The following STK3 variants were observed in gnomAD, a reference collection of about 807,000 sequenced individuals.
The protein encoded by STK3 is serine/threonine-protein kinase 3.
Under a neutral mutation model 58.0 loss-of-function variants are expected in STK3, and 41 were observed. The observed-to-expected ratio is 0.71, with a 90% CI of 0.55 to 0.92. The LOEUF (loss-of-function observed/expected upper bound fraction) is 0.92. Among genes scored for constraint, STK3 ranks in the 40% least tolerant of loss-of-function variants. The pLI is 0.00. For synonymous variants in STK3, 170 were observed against 191.0 expected (o/e 0.89, Z 0.91); for missense variants, 479 against 602.7 (o/e 0.79, Z 2.15).
At chr8:98,605,803 G>T (rs561015319) in intron 6 of STK3, among the ~76,000 whole-genome samples, 13 of 152,084 alleles carry the variant, frequency 8.5e-5, no homozygotes, top group Non-Finnish European at 1.9e-4. Flanking sequence ...CCATGGGGGT[G>T]GAGTTGTCAT....
rs184658384 is a variant in STK3 at position 98,899,113 on chromosome 8, C to T, written c.-78-15279G>A. Among the ~76,000 whole-genome samples, 253 of 152,284 alleles carry T rather than the reference C, an allele frequency of 1.7e-3. 1 individual carries two copies. Among genetic ancestry groups the T allele is most frequent in the Non-Finnish European group, 3.1e-3 (209 of 68,024 alleles). On this transcript the variant is annotated intron_variant, in intron 1 of 1. Transcript: ENST00000519420. ...GAAACAAAATATGGCACTATGTTTTCAACTATCATTTCAAAAGCAGATTTA... is the reference window on the plus strand; with the variant it reads ...GAAACAAAATATGGCACTATGTTTTTAACTATCATTTCAAAAGCAGATTTA...
At chr8:98,475,357 T>C (rs1821228168) in intron 10 of STK3, among the ~76,000 whole-genome samples, 1 of 152,168 alleles carries the variant, frequency 6.6e-6, no homozygotes, top group African/African-American at 2.4e-5. Context: ...GAACATCCAT[T>C]GTTATACAAG....
chr8:98,892,064 C>T (rs551531290), intron 1 of STK3, among the ~76,000 whole-genome samples: 1 of 152,104 alleles, frequency 6.6e-6, no homozygotes, highest in Non-Finnish European at 1.5e-5. Context: ...GTGACAAGCA[C>T]GTACTCCACC....
At chr8:98,495,044 T>C (rs1220435417) in intron 10 of STK3, among the ~76,000 whole-genome samples, 2 of 152,212 alleles carry the variant, frequency 1.3e-5, no homozygotes, top group African/African-American at 4.8e-5. Flanking sequence ...TAAAATACTT[T>C]CCAGGCTTTC....
chr8:98,550,767 A>G (rs932057596), intron 8 of STK3, among the ~76,000 whole-genome samples: 6 of 152,146 alleles, frequency 3.9e-5, no homozygotes, highest in African/African-American at 1.4e-4. Flanking sequence ...CTTATGAGGC[A>G]TAGGATCCTT....
intron 2 of STK3, among the ~76,000 whole-genome samples, chr8:98,768,651 A>G (rs1379339024): frequency 2.0e-5 from 3 of 152,156 alleles, no homozygotes; most frequent in African/African-American, 7.2e-5. Context: ...ATCTACTGTC[A>G]ATTAGGCAAC....
intron 6 of STK3, among the ~76,000 whole-genome samples, chr8:98,634,774 A>G (rs2130547255): frequency 6.6e-6 from 1 of 152,276 alleles, no homozygotes; most frequent in South Asian, 2.1e-4. Flanking sequence ...TGGAGACAGC[A>G]GTGTTCTCTA....
intron 2 of STK3, among the ~76,000 whole-genome samples, chr8:98,434,799 G>A (rs1394618727): frequency 2.6e-5 from 4 of 152,028 alleles, no homozygotes; most frequent in Non-Finnish European, 4.4e-5. Context: ...ACCAGAAATC[G>A]GAGGGAAAGA....
At chr8:98,536,625 T>C (rs1362931028) in intron 9 of STK3, among the ~76,000 whole-genome samples, 1 of 152,208 alleles carries the variant, frequency 6.6e-6, no homozygotes, top group Non-Finnish European at 1.5e-5. Context: ...CCCTAAAAGA[T>C]GGTGTCACAG....
At chr8:98,655,624 C>A (rs984851625) in intron 6 of STK3, among the ~76,000 whole-genome samples, 5 of 151,184 alleles carry the variant, frequency 3.3e-5, no homozygotes, top group Admixed American at 1.3e-4. Flanking sequence ...ATAATGAACT[C>A]AAACAAATTT....
intron 10 of STK3, among the ~76,000 whole-genome samples, chr8:98,459,839 C>T (rs887902983): frequency 6.6e-6 from 1 of 152,224 alleles, no homozygotes; most frequent in Non-Finnish European, 1.5e-5. Context: ...GGAACCTCTA[C>T]CTAGACTTCA....
intron 10 of STK3, among the ~76,000 whole-genome samples, chr8:98,466,710 C>T (rs1040465037): frequency 6.6e-5 from 10 of 152,164 alleles, no homozygotes; most frequent in Non-Finnish European, 1.5e-4. Flanking sequence ...GCACAGAAAG[C>T]GTGTGTATGT....
intron 6 of STK3, among the ~76,000 whole-genome samples, chr8:98,653,308 G>C (rs1272170584): frequency 6.6e-6 from 1 of 152,164 alleles, no homozygotes; most frequent in Non-Finnish European, 1.5e-5. Flanking sequence ...CAACATACCA[G>C]ATTCTTTGGG....
At chr8:98,547,141 C>T (rs1349267205) in intron 9 of STK3, among the ~76,000 whole-genome samples, 1 of 152,080 alleles carries the variant, frequency 6.6e-6, no homozygotes, top group East Asian at 1.9e-4. Context: ...CATGGAGAGG[C>T]AATACTCTTC....
intron 1 of STK3, among the ~76,000 whole-genome samples, chr8:98,776,021 A>C (rs184946284): frequency 6.6e-6 from 1 of 152,026 alleles, no homozygotes; most frequent in Non-Finnish European, 1.5e-5. Flanking sequence ...GATCATGAAG[A>C]AGCAGAAAAA....
At chr8:98,614,170 A>G (rs925025990) in intron 6 of STK3, among the ~76,000 whole-genome samples, 1 of 152,230 alleles carries the variant, frequency 6.6e-6, no homozygotes, top group Non-Finnish European at 1.5e-5. Context: ...GAAGAAATCA[A>G]CAACACCATC....
At chr8:98,500,316 G>A (rs1823476279) in intron 10 of STK3, among the ~76,000 whole-genome samples, 1 of 152,112 alleles carries the variant, frequency 6.6e-6, no homozygotes, top group Admixed American at 6.6e-5. Context: ...TGGATCATCC[G>A]AGGTCAGGGG....
intron 1 of STK3, chr8:98,905,322 T>C (rs1294471724): frequency 1.1e-6 from 1 of 879,210 alleles, no homozygotes; most frequent in African/African-American, 1.6e-5. Flanking sequence ...GTGTATGAAG[T>C]GTATGAGGAC....
chr8:98,867,968 C>A (rs907220803), intron 3 of STK3, among the ~76,000 whole-genome samples: 2 of 152,132 alleles, frequency 1.3e-5, no homozygotes, highest in Non-Finnish European at 2.9e-5. Context: ...CTGAGACTTG[C>A]CTAACATTTC....
Sources: gnomAD v4.1 joint callset for allele counts (sites outside exome capture counted in the v4.1 genomes callset) on GRCh38, gnomAD v4.1.1 for gene constraint, MANE v1.5 for transcripts, NCBI Gene and HGNC (gene_info 2026-07-23, HGNC 2026-07-21) for gene names.